SORCS2: variants seen among roughly 807,000 people sequenced by gnomAD.
SORCS2 encodes VPS10 domain-containing receptor SorCS2.
SORCS2 carries 100 observed loss-of-function variants against 141.6 expected under a neutral mutation model. The observed-to-expected ratio is 0.71, with a 90% CI of 0.60 to 0.83. The LOEUF is 0.83. Ranked by LOEUF, SORCS2 falls within the 40% of genes least tolerant of loss-of-function variation. SORCS2 has a pLI of 0.00. For missense variants in SORCS2, 1,646 were observed against 1,560.2 expected, an observed-to-expected ratio of 1.05 and a Z score of -0.93; for synonymous variants, 789 against 676.9, an observed-to-expected ratio of 1.17 and a Z score of -2.57.
At chr4:7,411,940 G>C (rs1351050637) in intron 2 of SORCS2, among the ~76,000 whole-genome samples, 1 of 152,160 alleles carries the variant, frequency 6.6e-6, no homozygotes, top group East Asian at 1.9e-4. Context: ...CTACAGCCAC[G>C]ATGCCTCTTT....
rs140294024 is a variant in SORCS2, at chr4:7,479,207, T to C, written c.549-52323T>C. ...GACTTCTGTGGGTGCCGTTTCCTTC[T>C]CTGGGCGAGGGTATGTGACCGCACA... On this transcript the variant is annotated intron_variant, in intron 2 of 26. Transcript: ENST00000507866. Among the ~76,000 whole-genome samples the C allele has an allele frequency of 5.4e-3, 818 of 151,834 alleles. 10 individuals are homozygous for C. Among genetic ancestry groups the C allele is most frequent in the African/African-American group, 0.019 (770 of 41,426 alleles).
intron 1 of SORCS2, among the ~76,000 whole-genome samples, chr4:7,341,764 A>C (rs372056463): frequency 3.3e-5 from 5 of 152,334 alleles, no homozygotes; most frequent in Admixed American, 2.0e-4. Flanking sequence ...TATTCAGTGC[A>C]TTCACAGTGT....
At chr4:7,434,138 A>G in intron 2 of SORCS2, 3 of 1,613,710 alleles carry the variant, frequency 1.9e-6, no homozygotes, top group Non-Finnish European at 2.5e-6. Context: ...CCCTTCCTGC[A>G]GAGCTCCTGC....
At chr4:7,492,876 G>A (rs1041721502) in intron 2 of SORCS2, among the ~76,000 whole-genome samples, 2 of 152,172 alleles carry the variant, frequency 1.3e-5, no homozygotes, top group Non-Finnish European at 2.9e-5. Flanking sequence ...GGGCAGGCCC[G>A]GACTCCTCAT....
At chr4:7,498,997 G>A (rs1577661900) in intron 2 of SORCS2, among the ~76,000 whole-genome samples, 1 of 152,200 alleles carries the variant, frequency 6.6e-6, no homozygotes, top group Admixed American at 6.5e-5. Context: ...GGGGAAAGGG[G>A]GGCAGGGGGC....
At position 7,724,112 on chromosome 4, in the gene SORCS2, GTGA is replaced by G. The variant is rs369203318; in HGVS notation, c.2611+232_2611+234del. On this transcript the variant is annotated intron_variant, in intron 19 of 26. Coordinates refer to ENST00000507866, the MANE Select transcript of SORCS2 (RefSeq NM_020777.3). ...GGTGGTGATATTGATGATAGTGGTG[GTGA>G]TGGTGGTGGTGGTGGTGGTGGTGGT... Among the ~76,000 whole-genome samples the G allele has an allele frequency of 1.9e-3, 276 of 146,066 alleles. 6 individuals are homozygous for G. In the East Asian group the frequency reaches 0.047, roughly 25 times the overall value.
intron 1 of SORCS2, among the ~76,000 whole-genome samples, chr4:7,365,707 C>A (rs1721841344): frequency 6.6e-6 from 1 of 152,144 alleles, no homozygotes; most frequent in Non-Finnish European, 1.5e-5. Context: ...AGGCTTTGTG[C>A]CTGTCGAACC....
At chr4:7,679,010 C>T (rs1723339542) in intron 9 of SORCS2, among the ~76,000 whole-genome samples, 1 of 152,166 alleles carries the variant, frequency 6.6e-6, no homozygotes, top group Admixed American at 6.5e-5. Context: ...TTTGTTTTCC[C>T]AGCACTTGCC....
chr4:7,242,195 C>T (rs549382640), intron 1 of SORCS2, among the ~76,000 whole-genome samples: 1 of 152,230 alleles, frequency 6.6e-6, no homozygotes, highest in African/African-American at 2.4e-5. Context: ...TTTCAGAGCC[C>T]TGTTGTCTTC....
chr4:7,365,700 C>A (rs910269921), intron 1 of SORCS2, among the ~76,000 whole-genome samples: 1 of 152,170 alleles, frequency 6.6e-6, no homozygotes, highest in Non-Finnish European at 1.5e-5. Context: ...GGCGTGCAGG[C>A]TTTGTGCCTG....
At chr4:7,616,883 G>A (rs1038847101) in intron 3 of SORCS2, among the ~76,000 whole-genome samples, 5 of 152,200 alleles carry the variant, frequency 3.3e-5, no homozygotes, top group African/African-American at 1.2e-4. Flanking sequence ...ACTCTGCGAT[G>A]GTGCAGACTG....
At chr4:7,733,106 C>T (rs938515157) in intron 23 of SORCS2, among the ~76,000 whole-genome samples, 5 of 149,976 alleles carry the variant, frequency 3.3e-5, no homozygotes, top group Non-Finnish European at 5.9e-5. Flanking sequence ...CCCCCTCACT[C>T]TCTCCACCAG....
intron 2 of SORCS2, among the ~76,000 whole-genome samples, chr4:7,458,661 C>G (rs1729079641): frequency 6.6e-6 from 1 of 152,184 alleles, no homozygotes; most frequent in African/African-American, 2.4e-5. Flanking sequence ...ACCTGAGTGT[C>G]CTTTCTCTAG....
chr4:7,637,894 G>C (rs528919617), intron 3 of SORCS2, among the ~76,000 whole-genome samples: 2 of 151,246 alleles, frequency 1.3e-5, no homozygotes, highest in Admixed American at 1.3e-4. Flanking sequence ...GAGCCGGCTG[G>C]GTTGAGAGTG....
intron 1 of SORCS2, among the ~76,000 whole-genome samples, chr4:7,325,794 C>T (rs1719215971): frequency 6.6e-6 from 1 of 152,314 alleles, no homozygotes; most frequent in East Asian, 1.9e-4. Context: ...CTCCGGTCTT[C>T]TTGCTCTTCA....
At chr4:7,456,480 G>T (rs4689752) in intron 2 of SORCS2, among the ~76,000 whole-genome samples, 2 of 138,674 alleles carry the variant, frequency 1.4e-5, no homozygotes, top group African/African-American at 6.6e-5. Context: ...AAGGGTGAGA[G>T]GGGGGGGGCC....
chr4:7,661,295 C>A (rs6840275), intron 5 of SORCS2, among the ~76,000 whole-genome samples: 20 of 101,582 alleles, frequency 2.0e-4, no homozygotes, highest in African/African-American at 4.8e-4. Context: ...GACTCCAACC[C>A]CCTCAGCTCA....
In SORCS2 at chr4:7,676,944, CTCCCTCTGCCTT is replaced by C. The variant is rs200196051; in HGVS notation, c.1341+716_1341+727del. 9.2e-4 allele frequency among the ~76,000 whole-genome samples: 68 copies of C among 73,602 alleles called. 6 individuals carry two copies. The highest frequency in any genetic ancestry group is 2.8e-3 in the East Asian group (5 of 1,792). 48.3% of individuals were successfully genotyped at this position (73,602 alleles called of 152,430 possible). A position where few individuals can be genotyped will look rare whatever the true frequency, so the allele number is the denominator to read the frequency against. ...TCTCCCTCTCTCCCTCTCTCCCTCT[CTCCCTCTGCCTT>C]CCTCTCTCCACCCCAGCCCCTTCAT... is the stretch of plus-strand genomic sequence containing the variant. On this transcript the variant is annotated intron_variant, in intron 9 of 26. Coordinates refer to ENST00000507866, the MANE Select transcript of SORCS2 (RefSeq NM_020777.3).
rs982507513 is a variant in SORCS2 at position 7,417,204 on chromosome 4, C to T, written c.548+20849C>T. 1.1e-4 allele frequency among the ~76,000 whole-genome samples: 16 copies of T among 152,290 alleles called. No homozygotes were observed. The South Asian group carries it at 2.7e-3, about 26-fold the overall frequency. ...CAAGCAGCATCTGGGATTATGCCGG[C>T]GGCCGAGTGGCATGAAGGGCGAGCT... On this transcript the variant is annotated intron_variant, in intron 2 of 26. Transcript: ENST00000507866.
Sources: allele counts gnomAD v4.1 joint callset (sites outside exome capture counted in the v4.1 genomes callset), GRCh38; gene constraint gnomAD v4.1.1; transcripts MANE v1.5; gene names NCBI Gene and HGNC (gene_info 2026-07-23, HGNC 2026-07-21).